Variants in NEIL3 observed in about 807,000 individuals in gnomAD.
NEIL3 encodes endonuclease 8-like 3.
Under a neutral mutation model 57.5 loss-of-function variants are expected in NEIL3, and 48 were observed. The observed-to-expected ratio is 0.83, with a 90% CI of 0.66 to 1.06. The LOEUF (loss-of-function observed/expected upper bound fraction) is 1.06. NEIL3 is among the 50% of genes least tolerant of loss of function. The pLI is 0.00. For missense variants in NEIL3, 717 were observed against 739.1 expected (o/e 0.97, Z 0.35); for synonymous variants, 261 against 253.2 (o/e 1.03, Z -0.29).
chr4:177,357,162 G>A (rs1339436218), intron 8 of NEIL3: 1 of 152,074 alleles, frequency 6.6e-6, no homozygotes, highest in African/African-American at 2.4e-5. Context: ...TTTAATCCTC[G>A]AAATAATCCT....
At chr4:177,319,189 T>G (rs570586546) in intron 1 of NEIL3, among the ~76,000 whole-genome samples, 3 of 152,232 alleles carry the variant, frequency 2.0e-5, no homozygotes, top group African/African-American at 7.2e-5. Context: ...CAGCACTGTC[T>G]ATTTCAAGGT....
intron 9 of NEIL3, among the ~76,000 whole-genome samples, chr4:177,361,956 A>G (rs779363766): frequency 6.6e-6 from 1 of 152,158 alleles, no homozygotes; most frequent in Non-Finnish European, 1.5e-5. Flanking sequence ...AAACAGACCT[A>G]TAGCAGGGAT....
intron 7 of NEIL3, 138 bp from the exon 8 acceptor site, chr4:177,353,170 A>G: frequency 1.5e-6 from 1 of 673,118 alleles, no homozygotes. Context: ...GTCTGAGCTA[A>G]CTTTGTGTTA....
intron 2 of NEIL3, among the ~76,000 whole-genome samples, chr4:177,333,597 A>C (rs1734921539): frequency 1.3e-5 from 2 of 152,206 alleles, no homozygotes; most frequent in Admixed American, 1.3e-4. Flanking sequence ...AAAGACTAAA[A>C]GCTGTTAGGA....
At chr4:177,366,656 C>T (rs918708070), downstream of NEIL3, among the ~76,000 whole-genome samples, 7 of 152,206 alleles carry the variant, frequency 4.6e-5, no homozygotes, top group African/African-American at 1.4e-4. Flanking sequence ...GCCTCGGCCT[C>T]CCAAAGTGCT....
At chr4:177,328,235 A>G (rs1734819025) in intron 2 of NEIL3, among the ~76,000 whole-genome samples, 1 of 152,252 alleles carries the variant, frequency 6.6e-6, no homozygotes, top group Admixed American at 6.5e-5. Flanking sequence ...GCTATGGAAC[A>G]AGGTGACATA....
At chr4:177,328,550 A>G (rs1734824178) in intron 2 of NEIL3, among the ~76,000 whole-genome samples, 2 of 152,228 alleles carry the variant, frequency 1.3e-5, no homozygotes, top group African/African-American at 4.8e-5. Flanking sequence ...GCTGAAAGAA[A>G]AACCTCTCAA....
intron 1 of NEIL3, among the ~76,000 whole-genome samples, chr4:177,313,554 C>T (rs903482936): frequency 6.6e-6 from 1 of 152,124 alleles, no homozygotes; most frequent in Non-Finnish European, 1.5e-5. Context: ...TATAAATGAA[C>T]ATATCTGGTT....
In NEIL3 at chr4:177,353,385, C is replaced by A. The variant is rs1195536005; in HGVS notation, c.1117C>A (p.Pro373Thr). The A allele has an allele frequency of 4.3e-6, 7 of 1,613,634 alleles. No homozygotes were observed. In the Admixed American group the frequency reaches 8.3e-5, roughly 19 times the overall value. The change falls in exon 8 of 10, where the codon CCT (proline) becomes ACT (threonine). Residue 373 changes from proline (P) to threonine (T), a missense_variant. Coordinates refer to ENST00000264596, the MANE Select transcript of NEIL3 (RefSeq NM_018248.3). ...GTACCCGTGTAATACTTTTGGAAAA[C>A]CTCATACAGAAGTCAAGATCAACAG... ...MKYPCNTFGK[P>T]HTEVKINRKT...
chr4:177,315,741 A>G (rs1734562011), intron 1 of NEIL3, among the ~76,000 whole-genome samples: 1 of 152,198 alleles, frequency 6.6e-6, no homozygotes, highest in Non-Finnish European at 1.5e-5. Context: ...CTTAAGATGG[A>G]TTTTTAAAAG....
At chr4:177,312,496 C>A (rs1449451676) in intron 1 of NEIL3, among the ~76,000 whole-genome samples, 1 of 152,064 alleles carries the variant, frequency 6.6e-6, no homozygotes, top group Non-Finnish European at 1.5e-5. Flanking sequence ...TGAGTCAATT[C>A]TCTTATATCT....
chr4:177,359,832 C>T (rs1469082236), intron 8 of NEIL3, among the ~76,000 whole-genome samples: 2 of 152,182 alleles, frequency 1.3e-5, no homozygotes, highest in African/African-American at 4.8e-5. Flanking sequence ...CCTGTGTACA[C>T]TGGGTATGAG....
chr4:177,352,032 C>T (rs1735363337), intron 7 of NEIL3, among the ~76,000 whole-genome samples: 1 of 152,214 alleles, frequency 6.6e-6, no homozygotes, highest in South Asian at 2.1e-4. Flanking sequence ...GTACTGATTT[C>T]ATTGAAACCC....
rs767933527 is a variant in NEIL3 at position 177,310,105 on chromosome 4, C to G, written c.152C>G (p.Pro51Arg). Residue 51 changes from proline (P) to arginine (R), a missense_variant, in exon 1 of 10, where the codon CCG (proline) becomes CGG (arginine). Pro to Arg is a moderately radical substitution (Grantham distance 103, BLOSUM62 -2). Coordinates refer to ENST00000264596, the MANE Select transcript of NEIL3 (RefSeq NM_018248.3). ...GCAGCCTCCACGGTTGTGGTCTCCC[C>G]GCAGGTGAGCTACTCCTGTAACAGG... ...RLAASTVVVS[P>R]QAAALNNDSS... 1 of 1,575,396 alleles carries G rather than the reference C, an allele frequency of 6.3e-7. No individual in the cohort carries two copies. Among genetic ancestry groups the G allele is most frequent in the Non-Finnish European group, 8.6e-7 (1 of 1,164,580 alleles).
chr4:177,346,927 G>A lies in NEIL3; in HGVS notation c.870-4453G>A, dbSNP rs193295974. On this transcript the variant is annotated intron_variant, in intron 6 of 9. Transcript: ENST00000264596. ...TGAGGCAGGATAATTGCTTCAACGC[G>A]GGAGGTGGAGGTTGCAGTGAGCCGA... 5.3e-5 allele frequency among the ~76,000 whole-genome samples: 8 copies of A among 151,946 alleles called. No homozygotes were observed. In the East Asian group the frequency reaches 1.6e-3, roughly 30 times the overall value.
chr4:177,339,963 G>A, intron 5 of NEIL3, 106 bp downstream of exon 5: 2 of 710,836 alleles, frequency 2.8e-6, no homozygotes, highest in East Asian at 5.3e-5. Flanking sequence ...AGTGGAAAGA[G>A]CATGGAGGTA....
chr4:177,361,551 TCA>T (rs1345870503), intron 9 of NEIL3, among the ~76,000 whole-genome samples: 1 of 152,092 alleles, frequency 6.6e-6, no homozygotes, highest in African/African-American at 2.4e-5. Context: ...CCTACAAAAT[TCA>T]CAGATTTCCT....
chr4:177,334,369 A>G (rs1734936750), intron 2 of NEIL3, among the ~76,000 whole-genome samples: 1 of 152,182 alleles, frequency 6.6e-6, no homozygotes, highest in Non-Finnish European at 1.5e-5. Flanking sequence ...CCTAAAAATG[A>G]ATTGATTTAT....
At chr4:177,338,141 T>C (rs1735015254) in intron 4 of NEIL3, among the ~76,000 whole-genome samples, 1 of 152,198 alleles carries the variant, frequency 6.6e-6, no homozygotes, top group African/African-American at 2.4e-5. Context: ...CTTAATATAG[T>C]ATGTAAGATT....
Sources: gnomAD v4.1 joint callset for allele counts (sites outside exome capture counted in the v4.1 genomes callset) on GRCh38, gnomAD v4.1.1 for gene constraint, MANE v1.5 for transcripts, NCBI Gene and HGNC (gene_info 2026-07-23, HGNC 2026-07-21) for gene names.